ZNF704: variants seen among roughly 807,000 people sequenced by gnomAD.
The protein encoded by ZNF704 is glucocorticoid induced gene 1.
ZNF704 carries 10 observed loss-of-function variants against 44.7 expected under a neutral mutation model. The observed-to-expected ratio is 0.22, with a 90% CI of 0.14 to 0.38. The LOEUF (loss-of-function observed/expected upper bound fraction) is 0.38. Among genes scored for constraint, ZNF704 ranks in the 10% least tolerant of loss-of-function variants. ZNF704 has a pLI of 1.00. For synonymous variants in ZNF704, 211 were observed against 207.6 expected (o/e 1.02, Z -0.14); for missense variants, 390 against 545.5 (o/e 0.71, Z 2.84).
intron 2 of ZNF704, among the ~76,000 whole-genome samples, chr8:80,793,646 T>C (rs559166693): frequency 1.3e-5 from 2 of 152,240 alleles, no homozygotes; most frequent in East Asian, 3.9e-4. Context: ...ATGGATGCTT[T>C]CTATTTCCTT....
At chr8:80,716,700 T>C (rs954269888) in intron 2 of ZNF704, among the ~76,000 whole-genome samples, 6 of 152,244 alleles carry the variant, frequency 3.9e-5, no homozygotes, top group African/African-American at 7.2e-5. Flanking sequence ...TCAAGCAAAA[T>C]AGTTCCATTT....
At chr8:80,676,530 AG>A (rs1477804051) in intron 4 of ZNF704, among the ~76,000 whole-genome samples, 2 of 152,334 alleles carry the variant, frequency 1.3e-5, no homozygotes, top group East Asian at 3.9e-4. Context: ...TTGGTGGAGA[AG>A]GGAAAAAAAG....
chr8:80,642,255 TA>T (rs1013528604), intron 8 of ZNF704, among the ~76,000 whole-genome samples: 31 of 152,306 alleles, frequency 2.0e-4, no homozygotes, highest in African/African-American at 7.5e-4. Context: ...AATCTCAGTA[TA>T]AAAATTTTTT....
At chr8:80,655,025 G>A (rs1051695797) in intron 7 of ZNF704, among the ~76,000 whole-genome samples, 3 of 152,140 alleles carry the variant, frequency 2.0e-5, no homozygotes, top group African/African-American at 7.2e-5. Flanking sequence ...AAAATGATGA[G>A]TTCATGTCCT....
At chr8:80,774,028 T>C (rs1042571610) in intron 2 of ZNF704, among the ~76,000 whole-genome samples, 2 of 151,438 alleles carry the variant, frequency 1.3e-5, no homozygotes, top group African/African-American at 4.9e-5. Flanking sequence ...TGTGATGAGA[T>C]TCTGAATGTT....
Position 80,664,904 on chromosome 8 carries a change from A to G in ZNF704, c.838T>C (p.Cys280Arg), listed in dbSNP as rs142616440. 21 of 1,614,064 alleles carry G rather than the reference A, an allele frequency of 1.3e-5. No homozygotes were observed. Among genetic ancestry groups the G allele is most frequent in the Non-Finnish European group, 1.8e-5 (21 of 1,180,044 alleles). Residue 280 changes from cysteine (C) to arginine (R), a missense_variant, in exon 6 of 9, where the codon TGT becomes CGT. Coordinates refer to ENST00000327835, the MANE Select transcript of ZNF704 (RefSeq NM_001033723.3). Reference protein sequence around the residue: ...IPDSSRTETPCAKTETKLMTP... With the variant: ...IPDSSRTETPRAKTETKLMTP... Reference sequence around the variant, plus strand: ...ATCAACTTAGTCTCCGTTTTGGCACAAGGAGTTTCTGTTCGGCTTGAATCT... The same window carrying G: ...ATCAACTTAGTCTCCGTTTTGGCACGAGGAGTTTCTGTTCGGCTTGAATCT...
At chr8:80,683,453 C>G (rs1382747297) in intron 4 of ZNF704, among the ~76,000 whole-genome samples, 1 of 152,196 alleles carries the variant, frequency 6.6e-6, no homozygotes, top group Non-Finnish European at 1.5e-5. Context: ...CTTGCTCCCA[C>G]CCTGCCACAT....
At position 80,635,237 on chromosome 8, in the gene ZNF704, G is replaced by T. The variant is rs143766673; in HGVS notation, c.*6129C>A. The T allele has an allele frequency of 1.1e-3, 172 of 152,188 alleles. 1 individual carries two copies. Among genetic ancestry groups the T allele is most frequent in the African/African-American group, 3.9e-3 (160 of 41,518 alleles). 9.4% of individuals were successfully genotyped at this position (152,188 alleles called of 1,614,324 possible). A position where few individuals can be genotyped will look rare whatever the true frequency, so the allele number is the denominator to read the frequency against. ...TGTACAGCATTATGAAATGGTTTTG[G>T]CAAAGCTCTGAATTATTTGTACAGT... On this transcript the variant is annotated 3_prime_UTR_variant, in exon 9 of 9. Transcript: ENST00000327835.
chr8:80,811,013 G>A (rs1483770564), intron 2 of ZNF704, among the ~76,000 whole-genome samples: 1 of 152,192 alleles, frequency 6.6e-6, no homozygotes, highest in African/African-American at 2.4e-5. Context: ...GGAAAAGAGG[G>A]AGAGCAAGAG....
rs559462771 is a variant in ZNF704, at chr8:80,733,393, G to C, written c.222-40286C>G. Among the ~76,000 whole-genome samples, 122 of 152,212 alleles carry C rather than the reference G, an allele frequency of 8.0e-4. No individual in the cohort carries two copies. The South Asian group carries it at 0.02, about 25-fold the overall frequency. ...ATAAAATCTGTAGAAATAATTTGAG[G>C]CTTTGATAAAACACATTTTTTTGAG... is the stretch of plus-strand genomic sequence containing the variant. On this transcript the variant is annotated intron_variant, in intron 2 of 8. Transcript: ENST00000327835.
intron 2 of ZNF704, among the ~76,000 whole-genome samples, chr8:80,809,310 ACT>A (rs1449546543): frequency 6.6e-6 from 1 of 151,916 alleles, no homozygotes; most frequent in East Asian, 1.9e-4. Flanking sequence ...ACAAAACAAA[ACT>A]CTCACATCCT....
At chr8:80,743,674 C>A (rs1806800556) in intron 2 of ZNF704, among the ~76,000 whole-genome samples, 2 of 152,182 alleles carry the variant, frequency 1.3e-5, no homozygotes, top group African/African-American at 4.8e-5. Context: ...CAGCAGAGAG[C>A]TGGGGGTGGG....
At chr8:80,770,613 G>C (rs551541876) in intron 2 of ZNF704, among the ~76,000 whole-genome samples, 2 of 152,082 alleles carry the variant, frequency 1.3e-5, no homozygotes, top group South Asian at 4.1e-4. Context: ...CCTTTGTTAG[G>C]TATGTGGTTT....
At chr8:80,656,152 G>A (rs1230083591) in intron 7 of ZNF704, among the ~76,000 whole-genome samples, 1 of 152,158 alleles carries the variant, frequency 6.6e-6, no homozygotes, top group Non-Finnish European at 1.5e-5. Context: ...GCTTGCCAGT[G>A]CCCTGGCATG....
At chr8:80,727,469 A>C (rs1458039342) in intron 2 of ZNF704, among the ~76,000 whole-genome samples, 1 of 152,152 alleles carries the variant, frequency 6.6e-6, no homozygotes, top group Admixed American at 6.5e-5. Flanking sequence ...ATACAAAATA[A>C]CCAAAACGCA....
chr8:80,862,597 C>CAAAAAAAAAA (rs10523461), intron 1 of ZNF704, among the ~76,000 whole-genome samples: 12 of 100,080 alleles, frequency 1.2e-4, no homozygotes, highest in African/African-American at 4.3e-4. Context: ...TTGTCTCTAC[C>CAAAAAAAAAA]AAAAAAAAAA....
At chr8:80,861,150 A>C (rs1263700480) in intron 1 of ZNF704, among the ~76,000 whole-genome samples, 1 of 152,222 alleles carries the variant, frequency 6.6e-6, no homozygotes, top group African/African-American at 2.4e-5. Flanking sequence ...CCAAAGCTTT[A>C]TCTTGAGTTT....
intron 2 of ZNF704, among the ~76,000 whole-genome samples, chr8:80,762,738 C>A (rs1306701841): frequency 6.6e-6 from 1 of 152,198 alleles, no homozygotes; most frequent in Non-Finnish European, 1.5e-5. Flanking sequence ...AGTCTTAAGT[C>A]ATTCAAGCAT....
chr8:80,812,264 A>C (rs796454741), intron 2 of ZNF704: 4 of 160,288 alleles, frequency 2.5e-5, no homozygotes, highest in African/African-American at 9.6e-5. Context: ...GAAATGCAGC[A>C]ATATTCTTTG....
Sources: allele counts gnomAD v4.1 joint callset (sites outside exome capture counted in the v4.1 genomes callset), GRCh38; gene constraint gnomAD v4.1.1; transcripts MANE v1.5; gene names NCBI Gene and HGNC (gene_info 2026-07-23, HGNC 2026-07-21).